MAD1L1: variants seen among roughly 807,000 people sequenced by gnomAD.
MAD1L1 encodes the protein mitotic arrest deficient 1 like 1, also known as mitotic spindle assembly checkpoint protein MAD1.
In MAD1L1, 95 loss-of-function variants were observed where a neutral mutation model predicts 96.9. The observed-to-expected ratio is 0.98, with a 90% confidence interval of 0.83 to 1.16. MAD1L1 has a LOEUF of 1.16. MAD1L1 is among the 50% of genes most tolerant of loss of function. The pLI is 0.00. For missense variants in MAD1L1, 1,007 were observed against 954.4 expected, an observed-to-expected ratio of 1.06 and a Z score of -0.73; for synonymous variants, 473 against 396.6, an observed-to-expected ratio of 1.19 and a Z score of -2.29.
chr7:2,180,124 C>A (rs1409857339), intron 10 of MAD1L1, among the ~76,000 whole-genome samples: 2 of 152,206 alleles, frequency 1.3e-5, no homozygotes, highest in Non-Finnish European at 2.9e-5. Flanking sequence ...AAAAGACTCA[C>A]CAGAACGCTG....
intron 12 of MAD1L1, among the ~76,000 whole-genome samples, chr7:2,019,040 G>C (rs1022101739): frequency 1.3e-5 from 2 of 152,108 alleles, no homozygotes; most frequent in African/African-American, 4.8e-5. Flanking sequence ...TACCTCTCCC[G>C]ACGCATGGAG....
At chr7:1,888,998 C>T (rs1040386356) in intron 18 of MAD1L1, among the ~76,000 whole-genome samples, 2 of 152,218 alleles carry the variant, frequency 1.3e-5, no homozygotes, top group African/African-American at 4.8e-5. Context: ...GGCCTGATGT[C>T]GGCAGACAGT....
rs375956775 is a variant in MAD1L1 at position 1,885,492 on chromosome 7, T to G, written c.1998+12708A>C. On this transcript the variant is annotated intron_variant, in intron 18 of 18. Coordinates refer to ENST00000265854, the MANE Select transcript of MAD1L1 (RefSeq NM_001013836.2). The stretch of plus-strand genomic sequence containing the variant: ...CAGGGGGCTGGGCTGCGGGTGTGTG[T>G]GGGCCACAGGGGTGCGGTCGGAAGG... Among the ~76,000 whole-genome samples the G allele has an allele frequency of 4.2e-3, 616 of 145,834 alleles. 6 individuals carry two copies. Among genetic ancestry groups the G allele is most frequent in the South Asian group, 0.011 (51 of 4,612 alleles).
In MAD1L1 at chr7:1,951,336, G is replaced by A. The variant is rs766992359; in HGVS notation, c.1596+6293C>T. ...GACCGAAGGACAGAGGCCGTGTGAG[G>A]GCAGGGTTGGAGTAGTCACCTCAAG... On this transcript the variant is annotated intron_variant, in intron 16 of 18. Coordinates refer to ENST00000265854, the MANE Select transcript of MAD1L1 (RefSeq NM_001013836.2). Among the ~76,000 whole-genome samples the A allele has an allele frequency of 5.2e-4, 79 of 152,330 alleles. 1 individual carries two copies. The highest frequency in any genetic ancestry group is 1.5e-3 in the South Asian group (7 of 4,824).
intron 17 of MAD1L1, among the ~76,000 whole-genome samples, chr7:1,926,230 G>A (rs888836684): frequency 1.3e-5 from 2 of 152,118 alleles, no homozygotes; most frequent in African/African-American, 2.4e-5. Flanking sequence ...TGAGATGAAA[G>A]AACTCACTAT....
chr7:2,145,043 C>A (rs375830620), intron 11 of MAD1L1, among the ~76,000 whole-genome samples: 1 of 152,168 alleles, frequency 6.6e-6, no homozygotes. Context: ...CACTCAAGCA[C>A]CCCACCCTCC....
intron 11 of MAD1L1, among the ~76,000 whole-genome samples, chr7:2,147,505 A>G (rs1472266887): frequency 6.6e-6 from 1 of 152,230 alleles, no homozygotes; most frequent in Non-Finnish European, 1.5e-5. Flanking sequence ...ATTTCAGGGC[A>G]GCTTCTCCCT....
chr7:2,014,395 TG>T, intron 13 of MAD1L1, 106 bp downstream of exon 13: 1 of 1,385,470 alleles, frequency 7.2e-7, no homozygotes. Context: ...AGCCGGGAAC[TG>T]GGGAGGCGGG....
At position 2,146,828 on chromosome 7, in the gene MAD1L1, T is replaced by C. The variant is rs964019118; in HGVS notation, c.1073+2324A>G. On this transcript the variant is annotated intron_variant, in intron 11 of 18. Coordinates refer to ENST00000265854, the MANE Select transcript of MAD1L1 (RefSeq NM_001013836.2). The surrounding 1 kb of genome is among the most constrained non-coding windows in gnomAD (Gnocchi z 6.2). Reference sequence around the variant, plus strand: ...AGAAATGTGCTCAGCTGTTCAACCGTGCGAGGCTCCCTGACCCCGCCACGG... The same window carrying C: ...AGAAATGTGCTCAGCTGTTCAACCGCGCGAGGCTCCCTGACCCCGCCACGG... Among the ~76,000 whole-genome samples, 1 of 152,156 alleles carries C rather than the reference T, an allele frequency of 6.6e-6. No individual in the cohort carries two copies. Among genetic ancestry groups the C allele is most frequent in the African/African-American group, 2.4e-5 (1 of 41,424 alleles).
intron 16 of MAD1L1, among the ~76,000 whole-genome samples, chr7:1,952,579 A>AAAG (rs1554304768): frequency 2.6e-5 from 4 of 151,968 alleles, no homozygotes; most frequent in African/African-American, 9.7e-5. Flanking sequence ...CGCCTGGCAC[A>AAAG]GAGGTGCGTG....
At chr7:2,216,607 T>G (rs1793296579) in intron 7 of MAD1L1, among the ~76,000 whole-genome samples, 1 of 152,152 alleles carries the variant, frequency 6.6e-6, no homozygotes, top group Admixed American at 6.5e-5. Flanking sequence ...GCATGACCCG[T>G]GGACTCTGCG....
At position 2,143,538 on chromosome 7, in the gene MAD1L1, A is replaced by G. The variant is rs75048943; in HGVS notation, c.1073+5614T>C. On this transcript the variant is annotated intron_variant, in intron 11 of 18. Coordinates refer to ENST00000265854, the MANE Select transcript of MAD1L1 (RefSeq NM_001013836.2). Reference sequence around the variant, plus strand: ...GGCTCAGAAAAGCACCGTCTGTGACAGAAAACATGGTGATATCCACTCATC... The same window carrying G: ...GGCTCAGAAAAGCACCGTCTGTGACGGAAAACATGGTGATATCCACTCATC... 4.5e-3 allele frequency among the ~76,000 whole-genome samples: 685 copies of G among 151,946 alleles called. 5 individuals carry two copies. Among genetic ancestry groups the G allele is most frequent in the African/African-American group, 0.016 (653 of 41,414 alleles).
At chr7:2,049,264 G>T (rs987529024) in intron 12 of MAD1L1, among the ~76,000 whole-genome samples, 1 of 152,266 alleles carries the variant, frequency 6.6e-6, no homozygotes, top group Admixed American at 6.5e-5. Context: ...TCTGATTCCA[G>T]CTCCTAGGCT....
At chr7:2,230,956 T>C (rs1039044604) in intron 1 of MAD1L1, among the ~76,000 whole-genome samples, 5 of 152,208 alleles carry the variant, frequency 3.3e-5, no homozygotes, top group Admixed American at 1.3e-4. Flanking sequence ...CCCAGGTTTC[T>C]AGGAATTCCT....
At chr7:1,969,199 C>T (rs925411043) in intron 15 of MAD1L1, among the ~76,000 whole-genome samples, 6 of 152,062 alleles carry the variant, frequency 3.9e-5, no homozygotes, top group East Asian at 1.9e-4. Context: ...GCCTGGCCAA[C>T]GTGATGAAAC....
At chr7:1,819,120 C>T (rs1200354674) in intron 18 of MAD1L1, among the ~76,000 whole-genome samples, 2 of 152,188 alleles carry the variant, frequency 1.3e-5, no homozygotes, top group African/African-American at 4.8e-5. Context: ...CATCGCTGCT[C>T]AGCCCTCTGC....
intron 11 of MAD1L1, among the ~76,000 whole-genome samples, chr7:2,129,481 C>T (rs955973710): frequency 6.6e-6 from 1 of 152,224 alleles, no homozygotes; most frequent in Non-Finnish European, 1.5e-5. Flanking sequence ...GGGTCTGAAT[C>T]CGTCACCTGC....
chr7:2,160,862 T>C (rs2128587995), intron 10 of MAD1L1, among the ~76,000 whole-genome samples: 1 of 152,312 alleles, frequency 6.6e-6, no homozygotes, highest in Admixed American at 6.5e-5. Flanking sequence ...TTTCAAAGCC[T>C]AGTATTGCAA....
At chr7:1,825,628 C>T (rs1460016167) in intron 18 of MAD1L1, among the ~76,000 whole-genome samples, 1 of 152,226 alleles carries the variant, frequency 6.6e-6, no homozygotes, top group Non-Finnish European at 1.5e-5. Flanking sequence ...CTTTGCGGTG[C>T]CCGTCTGAGC....
Sources: gnomAD v4.1 joint callset for allele counts (sites outside exome capture counted in the v4.1 genomes callset) on GRCh38, gnomAD v4.1.1 for gene constraint, Gnocchi (gnomAD v3.1) non-coding constraint, MANE v1.5 for transcripts, NCBI Gene and HGNC (gene_info 2026-07-23, HGNC 2026-07-21) for gene names.